ATAD2: variants seen among roughly 807,000 people sequenced by gnomAD.
ATAD2 encodes ATPase family AAA domain containing 2, also known as ATPase family AAA domain-containing protein 2.
ATAD2 carries 62 observed loss-of-function variants against 168.9 expected under a neutral mutation model. That is an observed-to-expected ratio of 0.37 (90% CI 0.30 to 0.45). ATAD2 has a LOEUF of 0.45. Ranked by LOEUF, ATAD2 falls within the 20% of genes least tolerant of loss-of-function variation. The pLI is 1.00. For missense variants in ATAD2, 1,419 were observed against 1,667.8 expected (o/e 0.85, Z 2.60); for synonymous variants, 613 against 571.6 (o/e 1.07, Z -1.03).
chr8:123,324,542 G>A (rs557225691), intron 26 of ATAD2, among the ~76,000 whole-genome samples: 2 of 152,324 alleles, frequency 1.3e-5, no homozygotes, highest in South Asian at 4.1e-4. Context: ...GTGTCAGGGT[G>A]TGGGGTTCCA....
chr8:123,328,185 C>G lies in ATAD2; in HGVS notation c.3868+5G>C. Reference sequence around the variant, plus strand: ...AGTAAATTATTTTAATTGAAAAAGACGTACCTTTTCCTTCATTTTCATCAG... The same window carrying G: ...AGTAAATTATTTTAATTGAAAAAGAGGTACCTTTTCCTTCATTTTCATCAG... On this transcript the variant is annotated splice_donor_5th_base_variant and intron_variant, in intron 25 of 27. Transcript: ENST00000287394. The G allele has an allele frequency of 7.3e-7, 1 of 1,365,242 alleles. No homozygotes were observed. The highest frequency in any genetic ancestry group is 2.7e-5 in the East Asian group (1 of 36,768). 84.6% of individuals were successfully genotyped at this position (1,365,242 alleles called of 1,614,324 possible).
At chr8:123,377,240 G>C (rs904411348) in intron 2 of ATAD2, among the ~76,000 whole-genome samples, 1 of 151,878 alleles carries the variant, frequency 6.6e-6, no homozygotes, top group Non-Finnish European at 1.5e-5. Context: ...CTACACTCCA[G>C]CCTGGGTGAC....
intron 8 of ATAD2, among the ~76,000 whole-genome samples, chr8:123,365,113 T>C (rs1828935030): frequency 6.6e-6 from 1 of 152,114 alleles, no homozygotes; most frequent in Non-Finnish European, 1.5e-5. Flanking sequence ...AAATCAGCAG[T>C]AGGTCTACTA....
chr8:123,358,391 C>G (rs1828711845), intron 11 of ATAD2, among the ~76,000 whole-genome samples: 1 of 152,044 alleles, frequency 6.6e-6, no homozygotes, highest in Non-Finnish European at 1.5e-5. Context: ...GTCGCCCAGG[C>G]TGGACTGCAG....
chr8:123,409,917 G>A (rs1813127413), intron 1 of ATAD2, among the ~76,000 whole-genome samples: 1 of 129,242 alleles, frequency 7.7e-6, no homozygotes, highest in Non-Finnish European at 1.6e-5. Context: ...GCCTGGGTGT[G>A]ACAAGAGTGA....
rs1827432619 is a variant in ATAD2, at chr8:123,320,348, T to C, written c.*786A>G. 6.6e-6 allele frequency: 1 copy of C among 151,596 alleles called. No individual in the cohort carries two copies. The highest frequency in any genetic ancestry group is 2.1e-4 in the South Asian group (1 of 4,830). The allele number at this position is 151,596 out of a possible 1,614,324, so 9.4% of individuals were successfully genotyped here. A position where few individuals can be genotyped will look rare whatever the true frequency, so the allele number is the denominator to read the frequency against. On this transcript the variant is annotated 3_prime_UTR_variant, in exon 28 of 28. Transcript: ENST00000287394. ...AATTATAATATTTATATTTATAAAA[T>C]TGTATATAAAAAGTATCAATAGACT...
At chr8:123,371,123 G>A in intron 5 of ATAD2, 113 bp downstream of exon 5, 2 of 1,089,222 alleles carry the variant, frequency 1.8e-6, no homozygotes, top group Non-Finnish European at 2.6e-6. Context: ...AGTAACTAAT[G>A]ACTGATCAAA....
intron 13 of ATAD2, among the ~76,000 whole-genome samples, chr8:123,351,541 C>A (rs1028219580): frequency 6.6e-6 from 1 of 152,108 alleles, no homozygotes; most frequent in Non-Finnish European, 1.5e-5. Flanking sequence ...CTGATTCAAT[C>A]ATTTCTTTTG....
At chr8:123,372,144 G>A (rs371081806) in intron 3 of ATAD2, among the ~76,000 whole-genome samples, 1 of 152,112 alleles carries the variant, frequency 6.6e-6, no homozygotes, top group African/African-American at 2.4e-5. Context: ...AAGGTGAAGA[G>A]ATAAATTGTG....
chr8:123,377,514 A>C (rs1190524918), intron 2 of ATAD2, among the ~76,000 whole-genome samples: 1 of 152,218 alleles, frequency 6.6e-6, no homozygotes, highest in Non-Finnish European at 1.5e-5. Flanking sequence ...TGTAAACCAA[A>C]CTAAATAGAA....
At chr8:123,391,816 A>T (rs751762984) in intron 1 of ATAD2, among the ~76,000 whole-genome samples, 35 of 152,166 alleles carry the variant, frequency 2.3e-4, no homozygotes, top group Non-Finnish European at 4.0e-4. Context: ...CAGTATGAAT[A>T]CATTACCCCT....
chr8:123,341,065 C>G (rs1404660687), intron 19 of ATAD2, among the ~76,000 whole-genome samples: 1 of 151,892 alleles, frequency 6.6e-6, no homozygotes, highest in African/African-American at 2.4e-5. Context: ...ACTTCAGCCT[C>G]CCGAGTAGCT....
intron 26 of ATAD2, among the ~76,000 whole-genome samples, chr8:123,324,810 T>C (rs1827562851): frequency 6.6e-6 from 1 of 152,146 alleles, no homozygotes. Context: ...AAAATTGAAT[T>C]TAGGGGAACA....
intron 15 of ATAD2, chr8:123,347,938 A>G (rs2131330412): frequency 1.9e-6 from 1 of 528,534 alleles, no homozygotes; most frequent in East Asian, 4.4e-5. Context: ...TCTGCCCCTG[A>G]TGGCCAATTT....
intron 27 of ATAD2, 71 bp downstream of exon 27, chr8:123,322,867 C>G (rs1256919708): frequency 8.2e-6 from 12 of 1,467,434 alleles, no homozygotes; most frequent in Admixed American, 2.1e-5. Flanking sequence ...AAAGCCTCAA[C>G]AATCCTACAT....
rs564909758 is a variant in ATAD2, at chr8:123,367,229, T to C, written c.1049+1829A>G. On this transcript the variant is annotated intron_variant, in intron 8 of 27. Transcript: ENST00000287394. ...AGGAATTTGAGACCAGCCTGGCCTATATGGTGAAAACCCCGTCTCTACTAA... is the reference window on the plus strand; with the variant it reads ...AGGAATTTGAGACCAGCCTGGCCTACATGGTGAAAACCCCGTCTCTACTAA... 1.2e-3 allele frequency among the ~76,000 whole-genome samples: 177 copies of C among 151,964 alleles called. 1 individual carries two copies. Among genetic ancestry groups the C allele is most frequent in the Non-Finnish European group, 2.2e-3 (152 of 67,952 alleles).
intron 2 of ATAD2, among the ~76,000 whole-genome samples, chr8:123,375,486 T>C (rs1829281475): frequency 2.0e-5 from 3 of 152,208 alleles, no homozygotes; most frequent in Admixed American, 6.5e-5. Flanking sequence ...TTAGTGTTAG[T>C]ATTTGACTCA....
chr8:123,389,180 G>A (rs1445994173), intron 1 of ATAD2, among the ~76,000 whole-genome samples: 2 of 135,120 alleles, frequency 1.5e-5, no homozygotes, highest in South Asian at 4.7e-4. Flanking sequence ...GTTTCACCGT[G>A]TTAGCCAGGA....
At chr8:123,380,805 C>T in intron 1 of ATAD2, 128 bp from the exon 2 acceptor site, 1 of 828,576 alleles carries the variant, frequency 1.2e-6, no homozygotes, top group Non-Finnish European at 1.9e-6. Flanking sequence ...TTTTGTATCT[C>T]CCCAAGAAAC....
Sources: allele counts gnomAD v4.1 joint callset (sites outside exome capture counted in the v4.1 genomes callset), GRCh38; gene constraint gnomAD v4.1.1; transcripts MANE v1.5; gene names NCBI Gene and HGNC (gene_info 2026-07-23, HGNC 2026-07-21).